The following MAP3K5 variants were observed in gnomAD, a reference collection of about 807,000 sequenced individuals.
MAP3K5 encodes the protein ASK-1.
MAP3K5 carries 56 observed loss-of-function variants against 158.7 expected under a neutral mutation model. The ratio of observed to expected loss-of-function variants is 0.35; its 90% CI spans 0.28 to 0.44. The LOEUF (loss-of-function observed/expected upper bound fraction) is 0.44, where lower values mean the gene tolerates loss of function less well. Among genes scored for constraint, MAP3K5 ranks in the 20% least tolerant of loss-of-function variants. The pLI is 1.00. For synonymous variants in MAP3K5, 579 were observed against 601.7 expected (o/e 0.96, Z 0.55); for missense variants, 1,294 against 1,674.8 (o/e 0.77, Z 3.97).
At chr6:136,717,295 A>C (rs928952607) in intron 2 of MAP3K5, among the ~76,000 whole-genome samples, 4 of 152,224 alleles carry the variant, frequency 2.6e-5, no homozygotes, top group Non-Finnish European at 5.9e-5. Flanking sequence ...CTTCAGACAT[A>C]GATTTTTAAA....
At chr6:136,680,876 C>T (rs1482573785) in intron 7 of MAP3K5, among the ~76,000 whole-genome samples, 2 of 152,050 alleles carry the variant, frequency 1.3e-5, no homozygotes, top group Non-Finnish European at 2.9e-5. Flanking sequence ...CTTGGAAGAG[C>T]TCTGCAGGGG....
At chr6:136,639,397 ATATAAT>A (rs1777812035) in intron 13 of MAP3K5, 140 bp downstream of exon 13, 1 of 446,156 alleles carries the variant, frequency 2.2e-6, no homozygotes, top group African/African-American at 2.1e-5. Context: ...TAAATTTATG[ATATAAT>A]TATAAAATAT....
chr6:136,633,261 T>C (rs767773508), intron 14 of MAP3K5, among the ~76,000 whole-genome samples: 1 of 151,838 alleles, frequency 6.6e-6, no homozygotes, highest in Admixed American at 6.6e-5. Context: ...TAGCTGGGCA[T>C]GATGGTGGGC....
intron 7 of MAP3K5, among the ~76,000 whole-genome samples, chr6:136,680,090 A>T (rs1446601605): frequency 1.3e-5 from 2 of 152,156 alleles, no homozygotes; most frequent in Non-Finnish European, 2.9e-5. Context: ...AAGCAAATAT[A>T]ATACCACTTA....
intron 28 of MAP3K5, among the ~76,000 whole-genome samples, chr6:136,559,533 C>G (rs1218767330): frequency 6.6e-6 from 1 of 152,200 alleles, no homozygotes; most frequent in African/African-American, 2.4e-5. Flanking sequence ...AAGTTCAATG[C>G]TACATAGCTT....
intron 9 of MAP3K5, among the ~76,000 whole-genome samples, chr6:136,658,324 T>C (rs1290266061): frequency 0.01 from 1,430 of 142,290 alleles, 38 homozygotes; most frequent in African/African-American, 0.036. Flanking sequence ...TTTTTTTTTT[T>C]TTTTTTTTGA....
At chr6:136,788,791 C>T (rs1784948431) in intron 1 of MAP3K5, among the ~76,000 whole-genome samples, 1 of 152,224 alleles carries the variant, frequency 6.6e-6, no homozygotes, top group Non-Finnish European at 1.5e-5. Flanking sequence ...AACACTTACA[C>T]ACTGTTGGTG....
chr6:136,616,300 CTT>C lies in MAP3K5; in HGVS notation c.2151-2016_2151-2015del, dbSNP rs537263288. Among the ~76,000 whole-genome samples, 48 of 122,658 alleles carry C rather than the reference CTT, an allele frequency of 3.9e-4. 1 individual carries two copies. Among genetic ancestry groups the C allele is most frequent in the East Asian group, 1.9e-3 (7 of 3,778 alleles). 80.5% of individuals were successfully genotyped at this position (122,658 alleles called of 152,430 possible). A position where few individuals can be genotyped will look rare whatever the true frequency, so the allele number is the denominator to read the frequency against. On this transcript the variant is annotated intron_variant, in intron 15 of 29. Transcript: ENST00000359015. ...TTGATGTTGGTTCATACCTGCTCCT[CTT>C]TTTTTTTTTTTTTTTTTTTGAGATG...
Position 136,791,964 on chromosome 6 carries a change from A to C in MAP3K5, c.194T>G (p.Ile65Ser). 6.2e-7 allele frequency: 1 copy of C among 1,610,180 alleles called. No homozygotes were observed. The highest frequency in any genetic ancestry group is 8.5e-7 in the Non-Finnish European group (1 of 1,178,630). The change falls in exon 1 of 30, where the codon ATC becomes AGC. Residue 65 changes from isoleucine to serine, a missense_variant. Physicochemically the swap from Ile to Ser is moderately radical, Grantham distance 142. This residue lies in a region of MAP3K5 where 690 missense variants were observed against 870.5 expected (regional missense o/e 0.79). Coordinates refer to ENST00000359015, the MANE Select transcript of MAP3K5 (RefSeq NM_005923.4). Reference sequence around the variant, plus strand: ...CGAGGAGGTGGCCGCCGGACAACCGATGCCAGGGGCAGCGGCGCTCTCCAC... The same window carrying C: ...CGAGGAGGTGGCCGCCGGACAACCGCTGCCAGGGGCAGCGGCGCTCTCCAC... The part of the protein sequence containing the change: ...WNVESAAAPG[I>S]GCPAATSSSS...
intron 1 of MAP3K5, among the ~76,000 whole-genome samples, chr6:136,723,039 A>G (rs1015081980): frequency 6.6e-6 from 1 of 151,924 alleles, no homozygotes; most frequent in Non-Finnish European, 1.5e-5. Context: ...GTACACTCTG[A>G]CCCAATAATT....
rs1329189387 is a variant in MAP3K5 at position 136,757,610 on chromosome 6, G to A, written c.448+34100C>T. Among the ~76,000 whole-genome samples the A allele has an allele frequency of 7.6e-5, 10 of 131,210 alleles. No individual in the cohort carries two copies. The South Asian group carries it at 1.4e-3, about 18-fold the overall frequency. The allele number at this position is 131,210 out of a possible 152,430, so 86.1% of individuals were successfully genotyped here. ...TATTTTTTTTTTTTTTTTTTGAGAC[G>A]GAGTTTCGCTCTTGCTGCCCAGGCT... On this transcript the variant is annotated intron_variant, in intron 1 of 29. Coordinates refer to ENST00000359015, the MANE Select transcript of MAP3K5 (RefSeq NM_005923.4).
intron 25 of MAP3K5, among the ~76,000 whole-genome samples, chr6:136,569,819 G>GA (rs1433727337): frequency 2.6e-5 from 4 of 151,914 alleles, no homozygotes; most frequent in South Asian, 4.2e-4. Flanking sequence ...CTTCCCATAA[G>GA]AAAAAATATT....
At chr6:136,560,606 A>T (rs996248103) in intron 28 of MAP3K5, among the ~76,000 whole-genome samples, 4 of 152,210 alleles carry the variant, frequency 2.6e-5, no homozygotes. Flanking sequence ...GTAGCAATAA[A>T]ATAGCTGCTG....
chr6:136,636,961 CA>C (rs1777665632), intron 14 of MAP3K5: 26 of 1,033,564 alleles, frequency 2.5e-5, no homozygotes, highest in Non-Finnish European at 3.0e-5. Context: ...ATGCCTGCCA[CA>C]AGGGTGCTAT....
At chr6:136,626,999 G>A (rs922272856) in intron 14 of MAP3K5, among the ~76,000 whole-genome samples, 2 of 151,984 alleles carry the variant, frequency 1.3e-5, no homozygotes, top group Non-Finnish European at 2.9e-5. Flanking sequence ...GAGCTTACAG[G>A]GTGATTATTA....
chr6:136,772,101 G>C (rs1192631619), intron 1 of MAP3K5, among the ~76,000 whole-genome samples: 11 of 143,262 alleles, frequency 7.7e-5, no homozygotes, highest in Admixed American at 1.4e-4. Flanking sequence ...GTAGAAATGG[G>C]GGGGGGGGGT....
Position 136,557,614 on chromosome 6 carries a change from T to G in MAP3K5, c.*144A>C, listed in dbSNP as rs79903899. 55 of 169,382 alleles carry G rather than the reference T, an allele frequency of 3.2e-4. No homozygotes were observed. The highest frequency in any genetic ancestry group is 1.8e-4 in the East Asian group (1 of 5,602). 10.5% of individuals were successfully genotyped at this position (169,382 alleles called of 1,614,324 possible). ...AGGAAATTTCAGTGTGTTTTGTCTG[T>G]TTTTTTTTTTTTTAACATGAGTAAA... On this transcript the variant is annotated 3_prime_UTR_variant, in exon 30 of 30. Transcript: ENST00000359015.
chr6:136,646,320 G>A (rs989934616), intron 11 of MAP3K5, among the ~76,000 whole-genome samples: 10 of 152,060 alleles, frequency 6.6e-5, no homozygotes, highest in African/African-American at 2.4e-4. Context: ...TAATGCACTT[G>A]TTTATATCCT....
At chr6:136,561,926 A>G (rs533482842) in intron 27 of MAP3K5, among the ~76,000 whole-genome samples, 48 of 152,320 alleles carry the variant, frequency 3.2e-4, no homozygotes, top group African/African-American at 1.2e-3. Flanking sequence ...CTGTGCACCA[A>G]AATTAGACTT....
Sources: allele counts gnomAD v4.1 joint callset (sites outside exome capture counted in the v4.1 genomes callset), GRCh38; gene constraint gnomAD v4.1.1; regional missense constraint gnomAD v4.1.1; transcripts MANE v1.5; gene names NCBI Gene and HGNC (gene_info 2026-07-23, HGNC 2026-07-21).